Variants in RARRES2 observed in about 807,000 individuals in gnomAD.
RARRES2 encodes the protein retinoic acid receptor responder protein 2.
RARRES2 carries 12 observed loss-of-function variants against 17.9 expected under a neutral mutation model. The observed-to-expected ratio is 0.67, with a 90% CI of 0.43 to 1.08. The LOEUF is 1.08. RARRES2 is among the 50% of genes least tolerant of loss of function. The pLI, the probability that RARRES2 is intolerant of heterozygous loss-of-function variation, is 0.00. For missense variants in RARRES2, 220 were observed against 210.1 expected (o/e 1.05, Z -0.29); for synonymous variants, 82 against 86.8 (o/e 0.94, Z 0.31).
intron 3 of RARRES2, among the ~76,000 whole-genome samples, chr7:150,339,583 A>T (rs942771456): frequency 6.6e-6 from 1 of 152,138 alleles, no homozygotes; most frequent in South Asian, 2.1e-4. Context: ...CCTTGAGCCG[A>T]CAGAGGGAAC....
chr7:150,338,777 G>A, intron 4 of RARRES2, 36 bp from the exon 5 acceptor site: 3 of 1,562,352 alleles, frequency 1.9e-6, no homozygotes, highest in South Asian at 2.3e-5. Flanking sequence ...CAGTGTAGGA[G>A]GGGTGGGCAG....
In RARRES2 at chr7:150,340,443, A is replaced by G. The variant is rs759713390; in HGVS notation, c.167T>C (p.Val56Ala). 6.2e-7 allele frequency: 1 copy of G among 1,601,632 alleles called. No homozygotes were observed. The highest frequency in any genetic ancestry group is 1.1e-5 in the South Asian group (1 of 89,964). The change falls in exon 2 of 6, where the codon GTG (valine) becomes GCG (alanine). Residue 56 changes from valine (V) to alanine (A), a missense_variant. Physicochemically the swap from Val to Ala is moderately conservative, Grantham distance 64 (BLOSUM62 0). Transcript: ENST00000223271. The part of the protein sequence containing the change: ...AFQETSVESA[V>A]DTPFPAGIFV... ...CCGGGCCATGCTACTCACCGTGTCC[A>G]CGGCGCTCTCCACACTGGTCTCCTG...
At chr7:150,338,922 T>A in intron 4 of RARRES2, 64 bp downstream of exon 4, 1 of 1,546,260 alleles carries the variant, frequency 6.5e-7, no homozygotes, top group Non-Finnish European at 8.9e-7. Flanking sequence ...GACCAGCCCA[T>A]AGGCTCAGCT....
intron 4 of RARRES2, 117 bp downstream of exon 4, chr7:150,338,869 C>A: frequency 1.3e-6 from 2 of 1,540,838 alleles, no homozygotes; most frequent in Non-Finnish European, 8.9e-7. Flanking sequence ...CGCTTTCTAG[C>A]CCCCACTGCC....
intron 1 of RARRES2, chr7:150,341,131 C>T (rs1460198499): frequency 6.5e-6 from 1 of 152,974 alleles, no homozygotes; most frequent in Non-Finnish European, 1.5e-5. Context: ...AGGCCGAATA[C>T]TTTTGGGAGG....
chr7:150,339,186 C>A, intron 3 of RARRES2, 105 bp from the exon 4 acceptor site: 1 of 1,082,112 alleles, frequency 9.2e-7, no homozygotes, highest in Non-Finnish European at 1.4e-6. Context: ...ACCAGATCCC[C>A]AACTAGGCCC....
chr7:150,340,638 C>T lies in RARRES2; in HGVS notation c.-20-9G>A. On this transcript the variant is annotated splice_polypyrimidine_tract_variant and intron_variant, in intron 1 of 5. Transcript: ENST00000223271. ...TCCGTGTCACCCTGGCCCTGCGAAGCGGGTGTGCGCCCCTCAGCTCTCCGA... is the reference window on the plus strand; with the variant it reads ...TCCGTGTCACCCTGGCCCTGCGAAGTGGGTGTGCGCCCCTCAGCTCTCCGA... 2 of 1,472,758 alleles carry T rather than the reference C, an allele frequency of 1.4e-6. No individual in the cohort carries two copies. Among genetic ancestry groups the T allele is most frequent in the Non-Finnish European group, 1.8e-6 (2 of 1,110,422 alleles). 91.2% of individuals were successfully genotyped at this position (1,472,758 alleles called of 1,614,324 possible).
intron 1 of RARRES2, 136 bp from the exon 2 acceptor site, chr7:150,340,765 T>C: frequency 2.8e-6 from 2 of 714,878 alleles, no homozygotes; most frequent in African/African-American, 1.9e-5. Flanking sequence ...TGAAGGAGCC[T>C]GGAAATGGCC....
At chr7:150,340,655 G>T (rs1798463587) in intron 1 of RARRES2, 26 bp from the exon 2 acceptor site, 3 of 1,451,290 alleles carry the variant, frequency 2.1e-6, no homozygotes, top group Non-Finnish European at 2.7e-6. Flanking sequence ...GCGCCCCTCA[G>T]CTCTCCGAGC....
chr7:150,340,680 T>C, intron 1 of RARRES2, 51 bp from the exon 2 acceptor site: 1 of 1,410,090 alleles, frequency 7.1e-7, no homozygotes, highest in South Asian at 1.5e-5. Flanking sequence ...CCGAGCCGCC[T>C]CCTCCCGCGC....
chr7:150,338,394 T>C lies in RARRES2; in HGVS notation c.*56A>G. The C allele has an allele frequency of 6.7e-7, 1 of 1,503,022 alleles. No individual in the cohort carries two copies. The highest frequency in any genetic ancestry group is 8.9e-7 in the Non-Finnish European group (1 of 1,126,274). The allele number at this position is 1,503,022 out of a possible 1,614,324, so 93.1% of individuals were successfully genotyped here. ...GTTCCTCTCCCTGGGGGCTGGGGTC[T>C]TCCACTGGTTACCACCCGCAGCGGT... is the stretch of plus-strand genomic sequence containing the variant. On this transcript the variant is annotated 3_prime_UTR_variant, in exon 6 of 6. Transcript: ENST00000223271.
Position 150,340,487 on chromosome 7 carries a change from C to T in RARRES2, c.123G>A (p.Pro41=). 6.2e-7 allele frequency: 1 copy of T among 1,608,762 alleles called. No individual in the cohort carries two copies. The highest frequency in any genetic ancestry group is 8.5e-7 in the Non-Finnish European group (1 of 1,177,706). ...QVALEEFHKH[P]PVQWAFQETS... is the part of the protein sequence containing the mutation. ...TCTCCTGGAAGGCCCACTGCACGGG[C>T]GGGTGCTTGTGAAATTCCTCCAGGG... Residue 41 remains proline (P), a synonymous_variant, in exon 2 of 6, where the codon CCG becomes CCA. Transcript: ENST00000223271.
Position 150,338,744 on chromosome 7 carries a change from G to A in RARRES2, c.376-3C>T. On this transcript the variant is annotated splice_polypyrimidine_tract_variant and splice_region_variant and intron_variant, in intron 4 of 5. Coordinates refer to ENST00000223271, the MANE Select transcript of RARRES2 (RefSeq NM_002889.4). Reference sequence around the variant, plus strand: ...GTCTCCTGGTGCTCCTCAGCCTCCTGCCAGTGCCCAAAACTGTTCAGGCAG... The same window carrying A: ...GTCTCCTGGTGCTCCTCAGCCTCCTACCAGTGCCCAAAACTGTTCAGGCAG... The A allele has an allele frequency of 6.4e-7, 1 of 1,557,920 alleles. No individual in the cohort carries two copies.
At position 150,338,487 on chromosome 7, in the gene RARRES2, C is replaced by A. The variant is rs759132450; in HGVS notation, c.*11-48G>T. 10 of 1,521,230 alleles carry A rather than the reference C, an allele frequency of 6.6e-6. No individual in the cohort carries two copies. The South Asian group carries it at 1.2e-4, about 19-fold the overall frequency. The allele number at this position is 1,521,230 out of a possible 1,614,324, so 94.2% of individuals were successfully genotyped here. On this transcript the variant is annotated intron_variant, in intron 5 of 5. Coordinates refer to ENST00000223271, the MANE Select transcript of RARRES2 (RefSeq NM_002889.4). ...TTGGGGGTGAGGGAGGTTGCTTCAG[C>A]CCCAGTCCCAGCTTTCCTCCCAGGC... is the stretch of plus-strand genomic sequence containing the variant.
intron 3 of RARRES2, 50 bp downstream of exon 3, chr7:150,340,050 A>G (rs751680120): frequency 2.6e-6 from 4 of 1,524,238 alleles, no homozygotes; most frequent in Non-Finnish European, 2.7e-6. Context: ...CCCCAAGTCC[A>G]TGCACTCACA....
chr7:150,340,082 TCA>T lies in RARRES2; in HGVS notation c.279+16_279+17del, dbSNP rs760297682. On this transcript the variant is annotated intron_variant, in intron 3 of 5. Transcript: ENST00000223271. ...CACACCCAGCATGCGCCCATTGCTC[TCA>T]CACCCCTTCACTCACCCCATTGGGC... 6.2e-7 allele frequency: 1 copy of T among 1,607,404 alleles called. No homozygotes were observed.
chr7:150,340,166 C>G lies in RARRES2; in HGVS notation c.213G>C (p.Lys71Asn). 6.2e-7 allele frequency: 1 copy of G among 1,614,204 alleles called. No homozygotes were observed. The highest frequency in any genetic ancestry group is 8.5e-7 in the Non-Finnish European group (1 of 1,180,042). ...PAGIFVRLEF[K>N]LQQTSCRKRD... Reference sequence around the variant, plus strand: ...TCTTCCGGCAGCTTGTCTGCTGCAGCTTAAATTCCAGCCTCACAAATATTC... The same window carrying G: ...TCTTCCGGCAGCTTGTCTGCTGCAGGTTAAATTCCAGCCTCACAAATATTC... The change falls in exon 3 of 6, where the codon AAG becomes AAC. Residue 71 changes from lysine (K) to asparagine (N), a missense_variant. Physicochemically the swap from Lys to Asn is moderately conservative, Grantham distance 94 (BLOSUM62 0). Coordinates refer to ENST00000223271, the MANE Select transcript of RARRES2 (RefSeq NM_002889.4).
At position 150,339,015 on chromosome 7, in the gene RARRES2, G is replaced by A. The variant is rs375183992; in HGVS notation, c.346C>T (p.His116Tyr). 5 of 1,612,680 alleles carry A rather than the reference G, an allele frequency of 3.1e-6. No individual in the cohort carries two copies. In the South Asian group the frequency reaches 3.3e-5, roughly 11 times the overall value. The change falls in exon 4 of 6, where the codon CAC becomes TAC. Residue 116 changes from histidine to tyrosine, a missense_variant. His to Tyr is a moderately conservative substitution (Grantham distance 83). Transcript: ENST00000223271. ...AGAACTTGGGTCTCTATGGGGCAGT[G>A]GACCAACCGGCCCAGAACTTTGTCC... ...SEDKVLGRLV[H>Y]CPIETQVLRE...
chr7:150,338,737 G>C lies in RARRES2; in HGVS notation c.380C>G (p.Ala127Gly). ...GCACTGGGTCTCCTGGTGCTCCTCA[G>C]CCTCCTGCCAGTGCCCAAAACTGTT... ...CPIETQVLRE[A>G]EEHQETQCLR... Residue 127 changes from alanine (A) to glycine (G), a missense_variant, in exon 5 of 6, where the codon GCT becomes GGT. Transcript: ENST00000223271. 6.4e-7 allele frequency: 1 copy of C among 1,556,844 alleles called. No individual in the cohort carries two copies. Among genetic ancestry groups the C allele is most frequent in the Non-Finnish European group, 8.7e-7 (1 of 1,149,846 alleles).
Sources: gnomAD v4.1 joint callset for allele counts (sites outside exome capture counted in the v4.1 genomes callset) on GRCh38, gnomAD v4.1.1 for gene constraint, MANE v1.5 for transcripts, NCBI Gene and HGNC (gene_info 2026-07-23, HGNC 2026-07-21) for gene names.